NAV2: variants seen among roughly 807,000 people sequenced by gnomAD.
The protein encoded by NAV2 is helicase, APC down-regulated 1.
In NAV2, 54 loss-of-function variants were observed where a neutral mutation model predicts 223.2. The observed-to-expected ratio is 0.24, with a 90% CI of 0.19 to 0.30. The LOEUF is 0.30. Among genes scored for constraint, NAV2 ranks in the 10% least tolerant of loss-of-function variants. The pLI, the probability that NAV2 is intolerant of heterozygous loss-of-function variation, is 1.00. For synonymous variants in NAV2, 1,279 were observed against 1,239.3 expected (o/e 1.03, Z -0.67); for missense variants, 2,806 against 3,147.5 (o/e 0.89, Z 2.60).
chr11:19,654,973 A>C lies in NAV2; in HGVS notation c.76-177511A>C, dbSNP rs1381081349. 2.6e-5 allele frequency among the ~76,000 whole-genome samples: 4 copies of C among 152,320 alleles called. No homozygotes were observed. The South Asian group carries it at 8.3e-4, about 32-fold the overall frequency. ...ACAGGCAACCTACAGAATGGGAGAA[A>C]ATTTTTGCAATCTACTCATCTGACA... On this transcript the variant is annotated intron_variant, in intron 1 of 37. Coordinates refer to the NAV2 transcript ENST00000360655.
chr11:20,090,984 T>A lies in NAV2; in HGVS notation c.5618T>A (p.Leu1873Gln). Reference sequence around the variant, plus strand: ...GAAGCTCTCAGTTCTGCCCACCAGCTGGACCAGCTCCGGGAGGCCATGAAC... The same window carrying A: ...GAAGCTCTCAGTTCTGCCCACCAGCAGGACCAGCTCCGGGAGGCCATGAAC... ...RLEALSSAHQ[L>Q]DQLREAMNRM... The change falls in exon 27 of 38, where the codon CTG (leucine) becomes CAG (glutamine). Residue 1873 changes from leucine to glutamine, a missense_variant. Leu to Gln is a moderately radical substitution (Grantham distance 113, BLOSUM62 -2). Coordinates refer to ENST00000349880, the MANE Select transcript of NAV2 (RefSeq NM_145117.5). 6.2e-7 allele frequency: 1 copy of A among 1,613,854 alleles called. No individual in the cohort carries two copies. The highest frequency in any genetic ancestry group is 8.5e-7 in the Non-Finnish European group (1 of 1,179,872).
intron 9 of NAV2, 140 bp downstream of exon 9, chr11:19,946,649 G>A: frequency 4.1e-6 from 3 of 730,062 alleles, no homozygotes; most frequent in Non-Finnish European, 6.9e-6. Context: ...CACAAAGAAT[G>A]CCATATGACA....
intron 1 of NAV2, among the ~76,000 whole-genome samples, chr11:19,765,241 C>A (rs2055103664): frequency 6.6e-6 from 1 of 152,166 alleles, no homozygotes; most frequent in Admixed American, 6.5e-5. Flanking sequence ...GAGAGATAAG[C>A]AAACTTTTTC....
intron 19 of NAV2, among the ~76,000 whole-genome samples, chr11:20,058,067 A>C (rs1287264385): frequency 6.6e-6 from 1 of 152,230 alleles, no homozygotes; most frequent in Non-Finnish European, 1.5e-5. Flanking sequence ...ATTTCTTCTA[A>C]GGTTATTACA....
intron 1 of NAV2, among the ~76,000 whole-genome samples, chr11:19,525,978 G>A (rs1008788740): frequency 1.4e-4 from 21 of 152,126 alleles, no homozygotes; most frequent in Admixed American, 1.4e-3. Context: ...TCCTGATAAT[G>A]TTCCCCGCCT....
At chr11:19,668,628 A>G (rs951452316) in intron 1 of NAV2, among the ~76,000 whole-genome samples, 2 of 151,332 alleles carry the variant, frequency 1.3e-5, no homozygotes, top group Admixed American at 6.6e-5. Context: ...CATCATCTCA[A>G]TCCAGGGTGG....
intron 1 of NAV2, among the ~76,000 whole-genome samples, chr11:19,561,123 C>G (rs2045081168): frequency 6.6e-6 from 1 of 152,196 alleles, no homozygotes; most frequent in Admixed American, 6.5e-5. Context: ...TTCTAAATTT[C>G]AGCTTGGGTC....
At chr11:19,498,098 C>T (rs1392172019) in intron 1 of NAV2, among the ~76,000 whole-genome samples, 1 of 152,232 alleles carries the variant, frequency 6.6e-6, no homozygotes, top group Admixed American at 6.5e-5. Context: ...ACACAGCAGC[C>T]TGGCTCCAGA....
chr11:19,741,493 CTTTCT>C (rs1262382317), intron 1 of NAV2, among the ~76,000 whole-genome samples: 21 of 70,140 alleles, frequency 3.0e-4, no homozygotes, highest in East Asian at 3.3e-4. Flanking sequence ...TTCTTTCTTT[CTTTCT>C]TTTTTTTTTT....
chr11:20,080,020 G>T, intron 24 of NAV2, 44 bp from the exon 25 acceptor site: 4 of 1,606,202 alleles, frequency 2.5e-6, no homozygotes, highest in Non-Finnish European at 3.4e-6. Flanking sequence ...TAAAGAATAG[G>T]GCTCAGGTTG....
At chr11:19,867,673 A>T (rs138315340) in intron 3 of NAV2, among the ~76,000 whole-genome samples, 3,888 of 152,338 alleles carry the variant, frequency 0.026, 51 homozygotes, top group Middle Eastern at 0.078. Flanking sequence ...GGAGATGGGA[A>T]CCTATGCTAA....
chr11:19,617,874 C>T (rs2046845552), intron 1 of NAV2, among the ~76,000 whole-genome samples: 1 of 152,160 alleles, frequency 6.6e-6, no homozygotes, highest in African/African-American at 2.4e-5. Flanking sequence ...GTCACAATGG[C>T]ACACACCCAC....
At chr11:19,548,642 G>T (rs2044582941) in intron 1 of NAV2, among the ~76,000 whole-genome samples, 1 of 151,822 alleles carries the variant, frequency 6.6e-6, no homozygotes, top group Non-Finnish European at 1.5e-5. Flanking sequence ...GCCGAGGTGG[G>T]CGGATCATGA....
At chr11:19,751,661 C>A (rs1245815604) in intron 1 of NAV2, among the ~76,000 whole-genome samples, 1 of 152,152 alleles carries the variant, frequency 6.6e-6, no homozygotes, top group Non-Finnish European at 1.5e-5. Flanking sequence ...TAAACTAGCA[C>A]CCCAATATTC....
At chr11:19,630,946 G>GA (rs1257081455) in intron 1 of NAV2, among the ~76,000 whole-genome samples, 23 of 103,766 alleles carry the variant, frequency 2.2e-4, no homozygotes, top group Admixed American at 3.8e-4. Context: ...AAGGAAAAAA[G>GA]AAAAAAAAAA....
chr11:19,788,902 C>G (rs2057331032), intron 1 of NAV2, among the ~76,000 whole-genome samples: 1 of 152,094 alleles, frequency 6.6e-6, no homozygotes, highest in South Asian at 2.1e-4. Context: ...GTAGGTACCC[C>G]CTGCAAAATC....
At chr11:19,828,949 G>A (rs182482136) in intron 1 of NAV2, among the ~76,000 whole-genome samples, 7 of 152,300 alleles carry the variant, frequency 4.6e-5, no homozygotes, top group African/African-American at 1.7e-4. Context: ...TACTTGTGTG[G>A]CCTCACCGTG....
intron 22 of NAV2, among the ~76,000 whole-genome samples, chr11:20,075,815 G>A (rs7126118): frequency 0.16 from 21,427 of 136,578 alleles, 1,747 homozygotes; most frequent in African/African-American, 0.2. Context: ...ATTCCTCACT[G>A]TGTGTGTCAG....
rs139283675 is a variant in NAV2, at chr11:19,934,013, G to C, written c.1769G>C (p.Arg590Pro). Residue 590 changes from arginine (R) to proline (P), a missense_variant, in exon 7 of 38, where the codon CGG (arginine) becomes CCG (proline). Transcript: ENST00000349880. ...PAPSKEGERS[R>P]SGKLSSGLPQ... ...CCTTCCAAGGAAGGGGAGCGGAGCC[G>C]GAGTGGGAAGCTGAGCTCAGGACTC... 2 of 1,594,406 alleles carry C rather than the reference G, an allele frequency of 1.3e-6. No individual in the cohort carries two copies. The highest frequency in any genetic ancestry group is 1.7e-6 in the Non-Finnish European group (2 of 1,172,078).
Sources: gnomAD v4.1 joint callset for allele counts (sites outside exome capture counted in the v4.1 genomes callset) on GRCh38, gnomAD v4.1.1 for gene constraint, MANE v1.5 for transcripts, NCBI Gene and HGNC (gene_info 2026-07-23, HGNC 2026-07-21) for gene names.